Variants in ATRNL1 observed in about 807,000 individuals in gnomAD.
ATRNL1 encodes the protein attractin like 1.
Under a neutral mutation model 182.7 loss-of-function variants are expected in ATRNL1, and 95 were observed. The observed-to-expected ratio is 0.52, with a 90% CI of 0.44 to 0.62. The LOEUF (loss-of-function observed/expected upper bound fraction) is 0.62, where lower values mean the gene tolerates loss of function less well. Ranked by LOEUF, ATRNL1 falls within the 20% of genes least tolerant of loss-of-function variation. The probability of loss-of-function intolerance (pLI) is 0.00; values close to 1 mark genes in which losing one functional copy is unlikely to be tolerated. For missense variants in ATRNL1, 1,471 were observed against 1,679.5 expected, an observed-to-expected ratio of 0.88 and a Z score of 2.17; for synonymous variants, 576 against 568.3, an observed-to-expected ratio of 1.01 and a Z score of -0.19.
rs556759463 is a variant in ATRNL1, at chr10:115,620,528, CA to C, written c.3795+70993del. Among the ~76,000 whole-genome samples the C allele has an allele frequency of 5.4e-4, 82 of 152,218 alleles. No individual in the cohort carries two copies. The South Asian group carries it at 0.016, about 30-fold the overall frequency. On this transcript the variant is annotated intron_variant, in intron 26 of 28. Transcript: ENST00000355044. ...TATAAAACTGTCTGGCCATTAAACC[CA>C]GGCTAAAAAATATATGCTAACAATT...
intron 22 of ATRNL1, among the ~76,000 whole-genome samples, chr10:115,463,295 C>T (rs562240534): frequency 1.3e-5 from 2 of 151,848 alleles, no homozygotes; most frequent in East Asian, 3.9e-4. Context: ...ACTCTTTATT[C>T]CCTAGACTTT....
intron 26 of ATRNL1, among the ~76,000 whole-genome samples, chr10:115,696,141 G>A (rs915616431): frequency 3.4e-4 from 51 of 151,464 alleles, no homozygotes; most frequent in African/African-American, 9.2e-4. Context: ...CTCGTGATCC[G>A]CCTGCCTTGG....
chr10:115,881,868 A>T (rs1380052238), intron 28 of ATRNL1, among the ~76,000 whole-genome samples: 1 of 152,106 alleles, frequency 6.6e-6, no homozygotes, highest in Non-Finnish European at 1.5e-5. Flanking sequence ...ACCTACCATT[A>T]AATAGCTTTG....
intron 9 of ATRNL1, among the ~76,000 whole-genome samples, chr10:115,239,182 G>A (rs1850305396): frequency 7.5e-6 from 1 of 133,792 alleles, no homozygotes; most frequent in African/African-American, 2.9e-5. Flanking sequence ...CTAGATTATA[G>A]TATTTTCTTG....
In ATRNL1 at chr10:115,897,268, TG is replaced by T. The variant is rs550102752; in HGVS notation, c.4019-47389del. ...TCATTTATGATTTATTAGATAAAGATGAAACAAATCATAATATCATCTGTTG... is the reference window on the plus strand; with the variant it reads ...TCATTTATGATTTATTAGATAAAGATAAACAAATCATAATATCATCTGTTG... On this transcript the variant is annotated intron_variant, in intron 28 of 28. Coordinates refer to ENST00000355044, the MANE Select transcript of ATRNL1 (RefSeq NM_207303.4). Among the ~76,000 whole-genome samples, 10 of 152,188 alleles carry T rather than the reference TG, an allele frequency of 6.6e-5. No individual in the cohort carries two copies. The South Asian group carries it at 1.7e-3, about 25-fold the overall frequency.
chr10:115,260,265 A>G (rs1047949346), intron 10 of ATRNL1, among the ~76,000 whole-genome samples: 1 of 152,252 alleles, frequency 6.6e-6, no homozygotes, highest in African/African-American at 2.4e-5. Context: ...GTGGGATTAA[A>G]TGAAAGTATA....
chr10:115,128,512 T>C (rs1845072781), intron 4 of ATRNL1: 5 of 576,646 alleles, frequency 8.7e-6, no homozygotes, highest in Non-Finnish European at 1.1e-5. Context: ...TATCCAAGTA[T>C]GTATGCAAGG....
At chr10:115,170,994 A>C in intron 7 of ATRNL1, 43 bp from the exon 8 acceptor site, 1 of 1,191,252 alleles carries the variant, frequency 8.4e-7, no homozygotes, top group Non-Finnish European at 1.1e-6. Context: ...GTGTTAAGAT[A>C]TAACATTATT....
At chr10:115,461,900 T>TA (rs1554969749) in intron 21 of ATRNL1, 41 bp from the exon 22 acceptor site, 1 of 1,436,492 alleles carries the variant, frequency 7.0e-7, no homozygotes, top group Admixed American at 2.0e-5. Flanking sequence ...AGACAGTTTT[T>TA]AAAGTACATA....
intron 21 of ATRNL1, among the ~76,000 whole-genome samples, chr10:115,452,887 T>A (rs1847346043): frequency 6.6e-6 from 1 of 152,072 alleles, no homozygotes; most frequent in South Asian, 2.1e-4. Flanking sequence ...ACCTTTCTAT[T>A]CTCTGCATGT....
At chr10:115,603,205 AG>A (rs56859698) in intron 26 of ATRNL1, among the ~76,000 whole-genome samples, 3,438 of 152,254 alleles carry the variant, frequency 0.023, 121 homozygotes, top group African/African-American at 0.078. Flanking sequence ...CCTGGAGGAC[AG>A]GGGATAGGAC....
At chr10:115,168,619 A>G (rs187110966) in intron 7 of ATRNL1, among the ~76,000 whole-genome samples, 35 of 152,062 alleles carry the variant, frequency 2.3e-4, no homozygotes, top group Admixed American at 2.3e-3. Context: ...GTCTTTGGAG[A>G]AATGTCTATT....
intron 18 of ATRNL1, among the ~76,000 whole-genome samples, chr10:115,326,378 G>A (rs945867180): frequency 1.3e-5 from 2 of 152,078 alleles, no homozygotes; most frequent in African/African-American, 2.4e-5. Context: ...AACTTAAAGG[G>A]ACATGAAGGA....
intron 3 of ATRNL1, 114 bp downstream of exon 3, chr10:115,121,926 C>G: frequency 2.0e-6 from 1 of 492,458 alleles, no homozygotes; most frequent in Non-Finnish European, 3.6e-6. Flanking sequence ...AGTTACATTT[C>G]ACAGATGATT....
chr10:115,402,927 ATAGT>A, intron 20 of ATRNL1, among the ~76,000 whole-genome samples: 2 of 152,150 alleles, frequency 1.3e-5, no homozygotes, highest in Non-Finnish European at 2.9e-5. Context: ...TACTTTACTA[ATAGT>A]AAATTGTGAA....
At chr10:115,152,652 A>G (rs371788950) in intron 5 of ATRNL1, among the ~76,000 whole-genome samples, 2 of 152,214 alleles carry the variant, frequency 1.3e-5, no homozygotes, top group Non-Finnish European at 2.9e-5. Flanking sequence ...CAATCATGTC[A>G]TCTGCAAACA....
At chr10:115,614,386 G>C (rs1345898629) in intron 26 of ATRNL1, among the ~76,000 whole-genome samples, 3 of 152,116 alleles carry the variant, frequency 2.0e-5, no homozygotes, top group Non-Finnish European at 2.9e-5. Flanking sequence ...AAGAAGATAT[G>C]TGATGTGATT....
At chr10:115,304,797 G>A (rs747933267) in intron 17 of ATRNL1, among the ~76,000 whole-genome samples, 1 of 152,132 alleles carries the variant, frequency 6.6e-6, no homozygotes, top group Non-Finnish European at 1.5e-5. Flanking sequence ...TACATGTGGG[G>A]CAAGGGCAAG....
intron 19 of ATRNL1, among the ~76,000 whole-genome samples, chr10:115,371,584 T>G (rs1199444608): frequency 1.3e-5 from 2 of 152,226 alleles, no homozygotes; most frequent in Non-Finnish European, 2.9e-5. Flanking sequence ...TTTTGGCCAA[T>G]TTATCCAATT....
Sources: gnomAD v4.1 joint callset for allele counts (sites outside exome capture counted in the v4.1 genomes callset) on GRCh38, gnomAD v4.1.1 for gene constraint, MANE v1.5 for transcripts, NCBI Gene and HGNC (gene_info 2026-07-23, HGNC 2026-07-21) for gene names.